The following MYRFL variants were observed in gnomAD, a reference collection of about 807,000 sequenced individuals.
The protein encoded by MYRFL is myelin regulatory factor like, also known as myelin regulatory factor-like protein.
MYRFL carries 88 observed loss-of-function variants against 109.4 expected under a neutral mutation model. The ratio of observed to expected loss-of-function variants is 0.80; its 90% CI spans 0.68 to 0.96. The LOEUF is 0.96. Among genes scored for constraint, MYRFL ranks in the 40% least tolerant of loss-of-function variants. MYRFL has a pLI of 0.00. For missense variants in MYRFL, 957 were observed against 954.9 expected (o/e 1.00, Z -0.03); for synonymous variants, 324 against 320.9 (o/e 1.01, Z -0.10).
chr12:69,924,190 G>GAAAAAAAAAAAAAAAAAAAAAAAAA (rs543542332), intron 13 of MYRFL, among the ~76,000 whole-genome samples: 2 of 79,880 alleles, frequency 2.5e-5, no homozygotes, highest in Non-Finnish European at 4.8e-5. Context: ...CTCCGTCTCA[G>GAAAAAAAAAAAAAAAAAAAAAAAAA]AAAAAAAAAA....
chr12:69,871,355 G>A (rs1020293062), intron 2 of MYRFL, among the ~76,000 whole-genome samples: 1 of 147,446 alleles, frequency 6.8e-6, no homozygotes, highest in Non-Finnish European at 1.5e-5. Flanking sequence ...TCAGCCTCCC[G>A]AGTAGCTGGA....
At chr12:69,871,002 A>C (rs1452315304) in intron 2 of MYRFL, among the ~76,000 whole-genome samples, 1 of 152,140 alleles carries the variant, frequency 6.6e-6, no homozygotes, top group Non-Finnish European at 1.5e-5. Context: ...CTGTAGTGTC[A>C]GGGTAACTAA....
chr12:69,902,096 G>A (rs140765232), intron 10 of MYRFL, among the ~76,000 whole-genome samples: 5 of 151,892 alleles, frequency 3.3e-5, no homozygotes, highest in South Asian at 2.1e-4. Flanking sequence ...GCTTCACCAT[G>A]TTGGCCAGGC....
chr12:69,832,033 G>A (rs1405822379), intron 1 of MYRFL, among the ~76,000 whole-genome samples: 1 of 152,108 alleles, frequency 6.6e-6, no homozygotes, highest in Admixed American at 6.5e-5. Context: ...GAAATTAATT[G>A]GCACTATTAA....
chr12:69,901,049 T>G lies in MYRFL; in HGVS notation c.1183-2595T>G, dbSNP rs1195065423. Among the ~76,000 whole-genome samples the G allele has an allele frequency of 6.5e-4, 99 of 152,194 alleles. 3 individuals carry two copies. Among genetic ancestry groups the G allele is most frequent in the Non-Finnish European group, 7.3e-5 (5 of 68,030 alleles). ...ATGAGGTGGGTAAAGGAGACATGAT[T>G]CTTTATTCATCAGAGGAGGACACAG... is the stretch of plus-strand genomic sequence containing the variant. On this transcript the variant is annotated intron_variant, in intron 10 of 24. Transcript: ENST00000552032.
chr12:69,868,053 A>G (rs753686288), intron 2 of MYRFL, among the ~76,000 whole-genome samples: 1 of 151,782 alleles, frequency 6.6e-6, no homozygotes, highest in African/African-American at 2.4e-5. Context: ...TAACTGCCAG[A>G]TGATAATCAT....
At chr12:69,846,958 G>A (rs1304397563) in intron 1 of MYRFL, among the ~76,000 whole-genome samples, 1 of 151,870 alleles carries the variant, frequency 6.6e-6, no homozygotes, top group Non-Finnish European at 1.5e-5. Context: ...GTGATGATGA[G>A]CATTTTTTCA....
chr12:69,934,063 G>A (rs1566036489), intron 16 of MYRFL, among the ~76,000 whole-genome samples: 1 of 152,204 alleles, frequency 6.6e-6, no homozygotes, highest in South Asian at 2.1e-4. Context: ...CGTTGAGGCA[G>A]ATGCTGGACA....
chr12:69,894,332 A>G (rs773095143), intron 8 of MYRFL, among the ~76,000 whole-genome samples: 2 of 152,206 alleles, frequency 1.3e-5, no homozygotes, highest in Non-Finnish European at 2.9e-5. Context: ...TTATGAATAT[A>G]TGTTTATCAA....
At chr12:69,912,411 C>T (rs935589025) in intron 13 of MYRFL, among the ~76,000 whole-genome samples, 14 of 152,158 alleles carry the variant, frequency 9.2e-5, no homozygotes, top group Admixed American at 7.9e-4. Flanking sequence ...CATCCATCTC[C>T]AGAACTCTTT....
intron 1 of MYRFL, among the ~76,000 whole-genome samples, chr12:69,828,758 CACTTT>C (rs1882440605): frequency 6.6e-6 from 1 of 152,108 alleles, no homozygotes; most frequent in Non-Finnish European, 1.5e-5. Context: ...TCCCATTCCT[CACTTT>C]ACTTCATTTA....
chr12:69,936,764 T>A, intron 19 of MYRFL, 132 bp downstream of exon 19: 2 of 765,610 alleles, frequency 2.6e-6, no homozygotes, highest in South Asian at 2.5e-5. Flanking sequence ...GCAAAATCTT[T>A]AAAACACAAA....
At chr12:69,942,881 A>G (rs1035947331) in intron 19 of MYRFL, among the ~76,000 whole-genome samples, 1 of 152,164 alleles carries the variant, frequency 6.6e-6, no homozygotes, top group Non-Finnish European at 1.5e-5. Flanking sequence ...AAGTATTCCT[A>G]TACACCAACA....
intron 1 of MYRFL, among the ~76,000 whole-genome samples, chr12:69,846,950 G>A (rs1309400896): frequency 6.6e-6 from 1 of 151,988 alleles, no homozygotes; most frequent in Non-Finnish European, 1.5e-5. Flanking sequence ...GATGGCCAGT[G>A]ATGATGAGCA....
At chr12:69,900,730 A>T (rs1954155672) in intron 10 of MYRFL, among the ~76,000 whole-genome samples, 1 of 152,180 alleles carries the variant, frequency 6.6e-6, no homozygotes, top group African/African-American at 2.4e-5. Flanking sequence ...GGTAAAACAA[A>T]TTCCAGCTTT....
intron 13 of MYRFL, among the ~76,000 whole-genome samples, chr12:69,923,369 G>A (rs533211878): frequency 6.6e-6 from 1 of 152,240 alleles, no homozygotes; most frequent in East Asian, 1.9e-4. Context: ...ATGGTTAGTA[G>A]GTGGGAAGTT....
chr12:69,859,925 T>C (rs193233524), intron 2 of MYRFL, among the ~76,000 whole-genome samples: 138 of 152,138 alleles, frequency 9.1e-4, no homozygotes, highest in African/African-American at 3.3e-3. Context: ...GCAGCTCTCT[T>C]TTTTTTTCTT....
At position 69,891,690 on chromosome 12, in the gene MYRFL, G is replaced by GTTCTTTCTTTCGTTCTTTCT. The variant is rs1199658772; in HGVS notation, c.903+527_903+528insTTTCTTTCGTTCTTTCTTTC. Reference sequence around the variant, plus strand: ...CTTTCTTTCTTTCTTTCTTTCGTTCGTTCGTTCTTTCTTTCTTTTTTTCTT... The same window carrying GTTCTTTCTTTCGTTCTTTCT: ...CTTTCTTTCTTTCTTTCTTTCGTTCGTTCTTTCTTTCGTTCTTTCTTTCGTTCTTTCTTTCTTTTTTTCTT... On this transcript the variant is annotated intron_variant, in intron 7 of 24. Coordinates refer to ENST00000552032, the MANE Select transcript of MYRFL (RefSeq NM_182530.3). 2.0e-4 allele frequency among the ~76,000 whole-genome samples: 9 copies of GTTCTTTCTTTCGTTCTTTCT among 44,648 alleles called. 2 individuals are homozygous for GTTCTTTCTTTCGTTCTTTCT. Among genetic ancestry groups the GTTCTTTCTTTCGTTCTTTCT allele is most frequent in the South Asian group, 2.0e-3 (2 of 992 alleles). 29.3% of individuals were successfully genotyped at this position (44,648 alleles called of 152,430 possible).
chr12:69,936,271 CT>C lies in MYRFL; in HGVS notation c.1992-7del, dbSNP rs1955462111. 1 of 1,535,818 alleles carries C rather than the reference CT, an allele frequency of 6.5e-7. No homozygotes were observed. Among genetic ancestry groups the C allele is most frequent in the Non-Finnish European group, 8.7e-7 (1 of 1,146,844 alleles). ...GCCCTCTTTCATTAATCATTTCATT[CT>C]TTTTCTCCAGCAATATCACAAGCTC... On this transcript the variant is annotated splice_polypyrimidine_tract_variant and intron_variant, in intron 17 of 24. Transcript: ENST00000552032.
Sources: allele counts gnomAD v4.1 joint callset (sites outside exome capture counted in the v4.1 genomes callset), GRCh38; gene constraint gnomAD v4.1.1; transcripts MANE v1.5; gene names NCBI Gene and HGNC (gene_info 2026-07-23, HGNC 2026-07-21).